Variants in CTNNA3 observed in about 807,000 individuals in gnomAD.
CTNNA3 encodes the protein catenin alpha-3.
Under a neutral mutation model 95.7 loss-of-function variants are expected in CTNNA3, and 76 were observed. The observed-to-expected ratio is 0.79, with a 90% CI of 0.66 to 0.96. The LOEUF is 0.96. Ranked by LOEUF, CTNNA3 falls within the 40% of genes least tolerant of loss-of-function variation. CTNNA3 has a pLI of 0.00. For missense variants in CTNNA3, 1,191 were observed against 1,089.8 expected (o/e 1.09, Z -1.31); for synonymous variants, 431 against 374.4 (o/e 1.15, Z -1.74).
At chr10:66,753,282 T>C (rs12253424) in intron 9 of CTNNA3, among the ~76,000 whole-genome samples, 4 of 152,204 alleles carry the variant, frequency 2.6e-5, no homozygotes, top group Non-Finnish European at 4.4e-5. Context: ...GGATGCTTTG[T>C]ATATACAGCC....
intron 13 of CTNNA3, among the ~76,000 whole-genome samples, chr10:66,166,254 A>G (rs957152724): frequency 6.6e-6 from 1 of 151,870 alleles, no homozygotes; most frequent in African/African-American, 2.4e-5. Flanking sequence ...TCAGGAGTCC[A>G]AGAGATCAGG....
chr10:66,532,724 A>G (rs1290286603), intron 10 of CTNNA3, among the ~76,000 whole-genome samples: 1 of 152,196 alleles, frequency 6.6e-6, no homozygotes, highest in Non-Finnish European at 1.5e-5. Flanking sequence ...ATAAATATTC[A>G]ATAAAGGACA....
chr10:67,017,725 C>G (rs1450850515), intron 7 of CTNNA3, among the ~76,000 whole-genome samples: 2 of 147,892 alleles, frequency 1.4e-5, no homozygotes, highest in African/African-American at 5.0e-5. Flanking sequence ...CAAAAATCAT[C>G]TGTGTGTGTG....
chr10:66,169,297 A>G (rs920067579), intron 13 of CTNNA3, among the ~76,000 whole-genome samples: 2 of 152,064 alleles, frequency 1.3e-5, no homozygotes, highest in Non-Finnish European at 1.5e-5. Context: ...CCATTCCTGA[A>G]TTACTTCACT....
chr10:67,277,430 G>A (rs2127594), intron 5 of CTNNA3, among the ~76,000 whole-genome samples: 24,380 of 152,136 alleles, frequency 0.16, 2,944 homozygotes, highest in African/African-American at 0.33. Flanking sequence ...GCTGGGGAAG[G>A]TGAATGCTTC....
intron 13 of CTNNA3, among the ~76,000 whole-genome samples, chr10:66,187,285 T>C (rs2086396118): frequency 6.6e-6 from 1 of 151,830 alleles, no homozygotes; most frequent in Non-Finnish European, 1.5e-5. Context: ...TGTTAAATAT[T>C]GTGGTTAGCT....
chr10:66,085,059 T>A (rs2080927904), intron 14 of CTNNA3: 1 of 152,050 alleles, frequency 6.6e-6, no homozygotes, highest in African/African-American at 2.4e-5. Context: ...AGGCAATATG[T>A]GAAGAATTAA....
chr10:66,007,016 GC>G, intron 15 of CTNNA3, among the ~76,000 whole-genome samples: 1 of 152,054 alleles, frequency 6.6e-6, no homozygotes, highest in East Asian at 1.9e-4. Flanking sequence ...TCTTTGGCAT[GC>G]CCCCCGCACC....
chr10:65,937,758 C>A lies in CTNNA3; in HGVS notation c.2401-17141G>T, dbSNP rs371443069. On this transcript the variant is annotated intron_variant, in intron 17 of 17. Transcript: ENST00000433211. ...TAGGATAAGAAAAACTCTAATTGTA[C>A]TTGATTGTTGGCTCACATTTAAGTA... is the stretch of plus-strand genomic sequence containing the variant. Among the ~76,000 whole-genome samples the A allele has an allele frequency of 6.7e-4, 102 of 152,212 alleles. 6 individuals are homozygous for A. The South Asian group carries it at 0.02, about 30-fold the overall frequency.
intron 7 of CTNNA3, among the ~76,000 whole-genome samples, chr10:67,086,943 C>T (rs941371205): frequency 6.6e-6 from 1 of 151,656 alleles, no homozygotes; most frequent in Non-Finnish European, 1.5e-5. Flanking sequence ...CTACAATTTC[C>T]AAGGGGATTA....
intron 12 of CTNNA3, among the ~76,000 whole-genome samples, chr10:66,335,956 G>A (rs2092390574): frequency 6.6e-6 from 1 of 152,114 alleles, no homozygotes; most frequent in Admixed American, 6.5e-5. Flanking sequence ...CAGCCTTGCT[G>A]CTGCCTTGCA....
intron 9 of CTNNA3, among the ~76,000 whole-genome samples, chr10:66,713,370 T>C (rs2132612715): frequency 6.6e-6 from 1 of 152,282 alleles, no homozygotes; most frequent in East Asian, 1.9e-4. Context: ...GGATCTCTTT[T>C]ATATGACAGT....
intron 5 of CTNNA3, among the ~76,000 whole-genome samples, chr10:67,389,401 A>C (rs1010389652): frequency 6.6e-6 from 1 of 150,840 alleles, no homozygotes; most frequent in Non-Finnish European, 1.5e-5. Context: ...GAGCACCCAG[A>C]TTCATAAAGC....
At chr10:66,644,282 CTGTCTGTCTG>C (rs1260512288) in intron 9 of CTNNA3, among the ~76,000 whole-genome samples, 3,338 of 100,554 alleles carry the variant, frequency 0.033, 126 homozygotes, top group African/African-American at 0.13. Flanking sequence ...GTCTGTCTGT[CTGTCTGTCTG>C]TCTCTCTCTC....
At chr10:66,683,773 A>T (rs1847149757) in intron 9 of CTNNA3, among the ~76,000 whole-genome samples, 1 of 152,180 alleles carries the variant, frequency 6.6e-6, no homozygotes, top group African/African-American at 2.4e-5. Context: ...AATGACAGCC[A>T]ATCTAAACAA....
chr10:67,725,123 G>A (rs1048704128), intron 1 of CTNNA3, among the ~76,000 whole-genome samples: 1 of 151,600 alleles, frequency 6.6e-6, no homozygotes, highest in East Asian at 1.9e-4. Flanking sequence ...AGTTCTCCAT[G>A]AGTCACTTAA....
intron 7 of CTNNA3, among the ~76,000 whole-genome samples, chr10:66,845,469 C>T (rs1843210565): frequency 1.3e-5 from 2 of 151,756 alleles, no homozygotes; most frequent in South Asian, 2.1e-4. Context: ...TTTGGGAGGC[C>T]GAGGCAGGTG....
intron 4 of CTNNA3, 140 bp downstream of exon 4, chr10:67,539,363 A>G: frequency 1.2e-6 from 1 of 858,110 alleles, no homozygotes; most frequent in South Asian, 1.7e-5. Context: ...AGTCTTCACA[A>G]CCCAGTCTAG....
chr10:67,246,032 C>T (rs1865890573), intron 5 of CTNNA3, among the ~76,000 whole-genome samples: 8 of 152,142 alleles, frequency 5.3e-5, no homozygotes, highest in Admixed American at 5.2e-4. Flanking sequence ...GGTCATCTTT[C>T]ATGTTTGCGA....
Sources: gnomAD v4.1 joint callset for allele counts (sites outside exome capture counted in the v4.1 genomes callset) on GRCh38, gnomAD v4.1.1 for gene constraint, MANE v1.5 for transcripts, NCBI Gene and HGNC (gene_info 2026-07-23, HGNC 2026-07-21) for gene names.